Variants in MPDZ observed in about 807,000 individuals in gnomAD.
MPDZ encodes multiple PDZ domain crumbs cell polarity complex component, also known as multiple PDZ domain protein.
A neutral mutation model predicts 239.1 loss-of-function variants in MPDZ; 234 were observed. The observed-to-expected ratio is 0.98, with a 90% confidence interval of 0.88 to 1.09. The LOEUF is 1.09. Among genes scored for constraint, MPDZ ranks in the 50% least tolerant of loss-of-function variants. The probability of loss-of-function intolerance (pLI) is 0.00; values close to 1 mark genes in which losing one functional copy is unlikely to be tolerated. For missense variants in MPDZ, 3,175 were observed against 2,510.0 expected (o/e 1.26, Z -5.66); for synonymous variants, 1,048 against 881.3 (o/e 1.19, Z -3.35).
chr9:13,227,158 T>C (rs2136518931), intron 3 of MPDZ, among the ~76,000 whole-genome samples: 1 of 152,254 alleles, frequency 6.6e-6, no homozygotes, highest in African/African-American at 2.4e-5. Context: ...ACATAAGAGT[T>C]TGTTACCTAT....
At chr9:13,146,505 T>C (rs1337942216) in intron 26 of MPDZ, among the ~76,000 whole-genome samples, 1 of 152,092 alleles carries the variant, frequency 6.6e-6, no homozygotes, top group Admixed American at 6.6e-5. Flanking sequence ...AGACGATGCG[T>C]TCAACTTCCC....
At chr9:13,108,364 A>C (rs1563806705) in intron 46 of MPDZ, among the ~76,000 whole-genome samples, 1 of 152,130 alleles carries the variant, frequency 6.6e-6, no homozygotes, top group Admixed American at 6.6e-5. Flanking sequence ...TATAATTATA[A>C]CTATACAGTC....
intron 1 of MPDZ, among the ~76,000 whole-genome samples, chr9:13,271,587 G>C (rs896759964): frequency 6.6e-6 from 1 of 152,002 alleles, no homozygotes. Context: ...TCTTTTCTGC[G>C]TAGCCCCCAT....
At position 13,178,116 on chromosome 9, in the gene MPDZ, G is replaced by A. The variant is rs180998657; in HGVS notation, c.2650-1699C>T. Among the ~76,000 whole-genome samples, 497 of 152,062 alleles carry A rather than the reference G, an allele frequency of 3.3e-3. 2 individuals carry two copies. The highest frequency in any genetic ancestry group is 0.01 in the South Asian group (50 of 4,818). On this transcript the variant is annotated intron_variant, in intron 19 of 46. Transcript: ENST00000319217. The stretch of plus-strand genomic sequence containing the variant: ...ACTAAAAATACAAAAAAAATTAGCC[G>A]GGCGTGGTGGCTGGTGCCTGAAGTC...
chr9:13,254,145 C>G (rs996576480), intron 1 of MPDZ, among the ~76,000 whole-genome samples: 6 of 152,172 alleles, frequency 3.9e-5, no homozygotes, highest in East Asian at 3.9e-4. Flanking sequence ...AATAGAGACC[C>G]AAAATGAATA....
chr9:13,237,338 G>A (rs576520917), intron 3 of MPDZ, among the ~76,000 whole-genome samples: 14 of 149,560 alleles, frequency 9.4e-5, no homozygotes, highest in Non-Finnish European at 1.3e-4. Flanking sequence ...CTCAGAGGCT[G>A]AGGTTGGAGG....
chr9:13,148,178 C>A (rs1009665851), intron 25 of MPDZ, among the ~76,000 whole-genome samples: 1 of 152,078 alleles, frequency 6.6e-6, no homozygotes, highest in Middle Eastern at 3.4e-3. Context: ...CAAAAGAATC[C>A]TTGCAGTAGA....
chr9:13,119,444 T>A (rs1357259489), intron 39 of MPDZ, 58 bp downstream of exon 39: 27 of 1,551,018 alleles, frequency 1.7e-5, no homozygotes, highest in Non-Finnish European at 2.2e-5. Context: ...TAGCCCAATG[T>A]TAAAATTATC....
chr9:13,206,035 C>T lies in MPDZ; in HGVS notation c.1355G>A (p.Gly452Glu). The stretch of plus-strand genomic sequence containing the variant: ...CATTAGTGTCAGGAGCACAGTTTGT[C>T]CTGTATGTCGCAATACCTCTACTGC... ...QQAVEVLRHT[G>E]QTVLLTLMRR... Residue 452 changes from glycine to glutamate, a missense_variant, in exon 11 of 47, where the codon GGA (glycine) becomes GAA (glutamate). By Grantham distance (98) the Gly-to-Glu change is moderately conservative (BLOSUM62 -2). Transcript: ENST00000319217. 1.2e-6 allele frequency: 2 copies of T among 1,612,344 alleles called. No individual in the cohort carries two copies. The highest frequency in any genetic ancestry group is 1.7e-6 in the Non-Finnish European group (2 of 1,179,486).
intron 1 of MPDZ, among the ~76,000 whole-genome samples, chr9:13,267,702 CAG>C (rs548288737): frequency 7.1e-4 from 108 of 152,062 alleles, no homozygotes; most frequent in African/African-American, 2.3e-3. Context: ...ACACAAGTAA[CAG>C]GGGAGGAAAG....
At chr9:13,111,063 T>G (rs1439213677) in intron 43 of MPDZ, among the ~76,000 whole-genome samples, 1 of 152,240 alleles carries the variant, frequency 6.6e-6, no homozygotes, top group Non-Finnish European at 1.5e-5. Context: ...ATTTGGAAAC[T>G]GAAATTTCTC....
chr9:13,162,744 T>C lies in MPDZ; in HGVS notation c.3306A>G (p.Gly1102=), dbSNP rs201768471. The C allele has an allele frequency of 5.0e-5, 80 of 1,611,772 alleles. No individual in the cohort carries two copies. In the African/African-American group the frequency reaches 9.7e-4, roughly 20 times the overall value. ...GTGCCATTACTCTTCCAGATTGTTGTCCCAAGCTTATTTTGAACTCTTCCA... is the reference window on the plus strand; with the variant it reads ...GTGCCATTACTCTTCCAGATTGTTGCCCCAAGCTTATTTTGAACTCTTCCA... ...EHLEEFKISL[G]QQSGRVMALD... The change falls in exon 23 of 47, where the codon GGA becomes GGG. Residue 1102 remains glycine, a synonymous_variant. Transcript: ENST00000319217.
At chr9:13,263,038 G>C (rs2138837304) in intron 1 of MPDZ, among the ~76,000 whole-genome samples, 1 of 152,120 alleles carries the variant, frequency 6.6e-6, no homozygotes, top group Middle Eastern at 3.4e-3. Context: ...TTTGTGTAAG[G>C]AAACTGTATT....
chr9:13,237,195 C>G (rs547150768), intron 3 of MPDZ, among the ~76,000 whole-genome samples: 2 of 151,978 alleles, frequency 1.3e-5, no homozygotes, highest in South Asian at 2.1e-4. Context: ...GTAATCCCAG[C>G]ACTTTGGGAG....
chr9:13,216,280 T>C (rs550735489), intron 10 of MPDZ, among the ~76,000 whole-genome samples: 6 of 151,078 alleles, frequency 4.0e-5, no homozygotes, highest in Non-Finnish European at 7.4e-5. Flanking sequence ...TAGCTTGAAC[T>C]AATTACAAGA....
Position 13,192,265 on chromosome 9 carries a change from G to A in MPDZ, c.1834C>T (p.His612Tyr). 1.9e-6 allele frequency: 3 copies of A among 1,602,712 alleles called. No individual in the cohort carries two copies. Among genetic ancestry groups the A allele is most frequent in the Non-Finnish European group, 2.6e-6 (3 of 1,173,718 alleles). The change falls in exon 15 of 47, where the codon CAC (histidine) becomes TAC (tyrosine). Residue 612 changes from histidine (H) to tyrosine (Y), a missense_variant. Physicochemically the swap from His to Tyr is moderately conservative, Grantham distance 83. Coordinates refer to ENST00000319217, the MANE Select transcript of MPDZ (RefSeq NM_001378778.1). Reference sequence around the variant, plus strand: ...TTTAAGATATTCACCACATCTTGGTGATTTTCCCCAAGTAAAGTTATGCCA... The same window carrying A: ...TTTAAGATATTCACCACATCTTGGTAATTTTCCCCAAGTAAAGTTATGCCA... The part of the protein sequence containing the change: ...VNGITLLGEN[H>Y]QDVVNILKEL...
In MPDZ at chr9:13,188,879, C is replaced by T. The variant is rs767430484; in HGVS notation, c.2269G>A (p.Val757Ile). The T allele has an allele frequency of 2.7e-5, 43 of 1,613,458 alleles. No individual in the cohort carries two copies. The highest frequency in any genetic ancestry group is 3.6e-5 in the Non-Finnish European group (43 of 1,179,606). ...PGDRLMFVND[V>I]NLENSSLEEA... ...TCAAGACTGCTGTTTTCCAAGTTAA[C>T]ATCGTTTACAAACATGAGTCGGTCA... Residue 757 changes from valine (V) to isoleucine (I), a missense_variant, in exon 17 of 47, where the codon GTT becomes ATT. Val to Ile is a conservative substitution (Grantham distance 29). Coordinates refer to ENST00000319217, the MANE Select transcript of MPDZ (RefSeq NM_001378778.1).
chr9:13,135,306 T>G (rs1946576099), intron 31 of MPDZ: 1 of 152,208 alleles, frequency 6.6e-6, no homozygotes, highest in Non-Finnish European at 1.5e-5. Flanking sequence ...AAATATTTGT[T>G]GGATAAACAC....
rs758632168 is a variant in MPDZ, at chr9:13,119,660, T to A, written c.5232-11A>T. 3.1e-6 allele frequency: 5 copies of A among 1,613,914 alleles called. No individual in the cohort carries two copies. The highest frequency in any genetic ancestry group is 4.2e-6 in the Non-Finnish European group (5 of 1,179,818). On this transcript the variant is annotated splice_polypyrimidine_tract_variant and intron_variant, in intron 38 of 46. Transcript: ENST00000319217. Reference sequence around the variant, plus strand: ...ACTCCAGTATCGTTTCTACACACAATTTTGAATTTCAACATTATCTTTTGC... The same window carrying A: ...ACTCCAGTATCGTTTCTACACACAAATTTGAATTTCAACATTATCTTTTGC...
Sources: gnomAD v4.1 joint callset for allele counts (sites outside exome capture counted in the v4.1 genomes callset) on GRCh38, gnomAD v4.1.1 for gene constraint, MANE v1.5 for transcripts, NCBI Gene and HGNC (gene_info 2026-07-23, HGNC 2026-07-21) for gene names.